STXBP5L: variants seen among roughly 807,000 people sequenced by gnomAD.
The protein encoded by STXBP5L is syntaxin-binding protein 5-like.
A neutral mutation model predicts 144.5 loss-of-function variants in STXBP5L; 65 were observed. That is an observed-to-expected ratio of 0.45 (90% confidence interval 0.37 to 0.55). The LOEUF (loss-of-function observed/expected upper bound fraction) is 0.55, where lower values mean the gene tolerates loss of function less well. Ranked by LOEUF, STXBP5L falls within the 20% of genes least tolerant of loss-of-function variation. The pLI, the probability that STXBP5L is intolerant of heterozygous loss-of-function variation, is 0.00. For missense variants in STXBP5L, 1,298 were observed against 1,405.5 expected (o/e 0.92, Z 1.22); for synonymous variants, 505 against 469.6 (o/e 1.08, Z -0.97).
chr3:121,355,600 A>T (rs969657131), intron 20 of STXBP5L, among the ~76,000 whole-genome samples: 6 of 152,008 alleles, frequency 3.9e-5, no homozygotes, highest in Admixed American at 3.9e-4. Flanking sequence ...CCTTTTTTCA[A>T]GGTTTTTAGC....
intron 9 of STXBP5L, among the ~76,000 whole-genome samples, chr3:121,160,166 G>T (rs1477133373): frequency 1.3e-5 from 2 of 152,126 alleles, no homozygotes; most frequent in Non-Finnish European, 2.9e-5. Flanking sequence ...TAATTGAACT[G>T]ATACTTGTCT....
intron 2 of STXBP5L, among the ~76,000 whole-genome samples, chr3:120,916,960 T>A (rs1331993220): frequency 1.3e-5 from 2 of 152,186 alleles, no homozygotes; most frequent in African/African-American, 4.8e-5. Context: ...TAATAAATTT[T>A]GAAGTTAGAT....
chr3:121,087,080 G>C (rs1307002715), intron 5 of STXBP5L, among the ~76,000 whole-genome samples: 1 of 151,932 alleles, frequency 6.6e-6, no homozygotes, highest in African/African-American at 2.4e-5. Flanking sequence ...TAAAATTGTT[G>C]AGGTTTGTTT....
chr3:121,283,090 G>GT (rs1225564917), intron 19 of STXBP5L, among the ~76,000 whole-genome samples: 1 of 150,086 alleles, frequency 6.7e-6, no homozygotes, highest in African/African-American at 2.5e-5. Flanking sequence ...TTTATCATAT[G>GT]TTAATATATT....
At chr3:121,091,730 G>A (rs1484011049) in intron 5 of STXBP5L, among the ~76,000 whole-genome samples, 1 of 152,166 alleles carries the variant, frequency 6.6e-6, no homozygotes, top group Non-Finnish European at 1.5e-5. Context: ...TAGGTTGCCT[G>A]TTCACTCTGA....
intron 3 of STXBP5L, among the ~76,000 whole-genome samples, chr3:121,008,486 C>G (rs900714057): frequency 6.6e-6 from 1 of 151,990 alleles, no homozygotes; most frequent in Non-Finnish European, 1.5e-5. Context: ...ACCATTTCTA[C>G]TTCTACTTTT....
chr3:121,411,580 A>G (rs934414205), intron 23 of STXBP5L, among the ~76,000 whole-genome samples: 24 of 152,150 alleles, frequency 1.6e-4, no homozygotes, highest in Non-Finnish European at 8.8e-5. Context: ...ATTATCTGCT[A>G]CATTAGGATA....
At chr3:121,181,454 C>G (rs2047149272) in intron 9 of STXBP5L, among the ~76,000 whole-genome samples, 1 of 152,260 alleles carries the variant, frequency 6.6e-6, no homozygotes, top group Admixed American at 6.5e-5. Flanking sequence ...CACCAACCGG[C>G]TGGGCGCAGT....
intron 3 of STXBP5L, among the ~76,000 whole-genome samples, chr3:120,970,050 GTAT>G (rs1443881985): frequency 3.9e-5 from 6 of 151,982 alleles, no homozygotes; most frequent in Non-Finnish European, 5.9e-5. Context: ...GAGAAGAAAA[GTAT>G]TATAAGAAAA....
At chr3:121,134,357 A>G (rs1164584014) in intron 7 of STXBP5L, among the ~76,000 whole-genome samples, 3 of 152,076 alleles carry the variant, frequency 2.0e-5, no homozygotes, top group Non-Finnish European at 4.4e-5. Context: ...TGATTGAGTT[A>G]CCTCTTAAAG....
At chr3:121,184,161 C>T (rs1239268640) in intron 9 of STXBP5L, among the ~76,000 whole-genome samples, 2 of 151,884 alleles carry the variant, frequency 1.3e-5, no homozygotes, top group African/African-American at 4.8e-5. Context: ...TCTTCTCCTC[C>T]AAAGGTTCAC....
chr3:121,311,604 A>C (rs1559962144), intron 19 of STXBP5L, among the ~76,000 whole-genome samples: 1 of 152,208 alleles, frequency 6.6e-6, no homozygotes, highest in South Asian at 2.1e-4. Context: ...TGCTTCAAAG[A>C]GAATAAAATA....
chr3:121,397,662 T>G (rs753050001), intron 22 of STXBP5L, among the ~76,000 whole-genome samples: 2 of 152,218 alleles, frequency 1.3e-5, no homozygotes, highest in African/African-American at 4.8e-5. Flanking sequence ...CCCCATTTCA[T>G]GCATTATATG....
At chr3:121,392,411 C>G (rs539702758) in intron 22 of STXBP5L, among the ~76,000 whole-genome samples, 28 of 152,266 alleles carry the variant, frequency 1.8e-4, no homozygotes, top group African/African-American at 6.5e-4. Context: ...GGGCTGCACC[C>G]ACTATCCAAC....
intron 20 of STXBP5L, among the ~76,000 whole-genome samples, chr3:121,353,229 A>G (rs1162032371): frequency 2.6e-5 from 4 of 152,040 alleles, no homozygotes; most frequent in Non-Finnish European, 5.9e-5. Flanking sequence ...CTCTTTTTCT[A>G]TTGATTGGAA....
At chr3:121,311,050 G>A (rs1419769808) in intron 19 of STXBP5L, among the ~76,000 whole-genome samples, 3 of 152,104 alleles carry the variant, frequency 2.0e-5, no homozygotes, top group African/African-American at 7.2e-5. Context: ...AATATAAGCA[G>A]TCCAACATAA....
chr3:121,094,344 G>C (rs146907630), intron 5 of STXBP5L, among the ~76,000 whole-genome samples: 1 of 152,000 alleles, frequency 6.6e-6, no homozygotes, highest in African/African-American at 2.4e-5. Flanking sequence ...TTTCTGTCTC[G>C]TTGATCTGTC....
At chr3:120,928,639 AGTGTGTGTGTGTGTGTGT>A (rs71133519) in intron 2 of STXBP5L, among the ~76,000 whole-genome samples, 1 of 147,154 alleles carries the variant, frequency 6.8e-6, no homozygotes, top group Non-Finnish European at 1.5e-5. Flanking sequence ...TGGTATACAG[AGTGTGTGTGTGTGTGTGT>A]GTGTGTGTGT....
At chr3:121,059,010 C>T (rs560798525) in intron 5 of STXBP5L, among the ~76,000 whole-genome samples, 1 of 152,244 alleles carries the variant, frequency 6.6e-6, no homozygotes, top group South Asian at 2.1e-4. Flanking sequence ...CCTTTTGTTT[C>T]CATTGCTTTT....
Sources: gnomAD v4.1 joint callset for allele counts (sites outside exome capture counted in the v4.1 genomes callset) on GRCh38, gnomAD v4.1.1 for gene constraint, MANE v1.5 for transcripts, NCBI Gene and HGNC (gene_info 2026-07-23, HGNC 2026-07-21) for gene names.